The following ACSS1 variants were observed in gnomAD, a reference collection of about 807,000 sequenced individuals.
ACSS1 encodes acetyl-coenzyme A synthetase 2-like, mitochondrial.
A neutral mutation model predicts 75.3 loss-of-function variants in ACSS1; 42 were observed. The observed-to-expected ratio is 0.56, with a 90% CI of 0.44 to 0.72. ACSS1 has a LOEUF of 0.72. Ranked by LOEUF, ACSS1 falls within the 30% of genes least tolerant of loss-of-function variation. The pLI is 0.00. For missense variants in ACSS1, 782 were observed against 935.7 expected (o/e 0.84, Z 2.14); for synonymous variants, 380 against 376.8 (o/e 1.01, Z -0.10).
intron 1 of ACSS1, among the ~76,000 whole-genome samples, chr20:25,049,714 C>A (rs2089150340): frequency 6.6e-6 from 1 of 152,102 alleles, no homozygotes; most frequent in African/African-American, 2.4e-5. Flanking sequence ...CCCGCACCAC[C>A]AGCATCTCCC....
chr20:25,009,683 C>G (rs938653232), intron 12 of ACSS1: 1 of 406,754 alleles, frequency 2.5e-6, no homozygotes, highest in Non-Finnish European at 4.5e-6. Flanking sequence ...GGACATGGGA[C>G]CTCCCCTCTC....
chr20:25,041,793 G>A (rs1568846108), intron 2 of ACSS1, among the ~76,000 whole-genome samples: 1 of 152,110 alleles, frequency 6.6e-6, no homozygotes. Context: ...ACCGTGGGTG[G>A]AATAAATACA....
In ACSS1 at chr20:25,057,690, G is replaced by C. The variant is rs1285141775; in HGVS notation, c.334+79C>G. ...CTGCGATCCGCGCTGCCCGGGGACG[G>C]CTGCCGCTGGCGAGAGGCTCCGAGT... is the stretch of plus-strand genomic sequence containing the variant. On this transcript the variant is annotated intron_variant, in intron 1 of 13. Transcript: ENST00000323482. The C allele has an allele frequency of 6.4e-6, 9 of 1,397,498 alleles. No individual in the cohort carries two copies. The African/African-American group carries it at 1.0e-4, about 16-fold the overall frequency. The allele number at this position is 1,397,498 out of a possible 1,614,324, so 86.6% of individuals were successfully genotyped here. A position where few individuals can be genotyped will look rare whatever the true frequency, so the allele number is the denominator to read the frequency against.
intron 2 of ACSS1, among the ~76,000 whole-genome samples, chr20:25,040,605 C>T (rs979356104): frequency 6.6e-6 from 1 of 152,252 alleles, no homozygotes; most frequent in Non-Finnish European, 1.5e-5. Flanking sequence ...GAAGCCTTGA[C>T]TTATAACATT....
intron 7 of ACSS1, 76 bp from the exon 8 acceptor site, chr20:25,015,306 G>A: frequency 1.5e-6 from 2 of 1,342,442 alleles, no homozygotes; most frequent in Non-Finnish European, 1.0e-6. Flanking sequence ...TTTGTTTTTT[G>A]TTTTTTGTTT....
chr20:25,032,539 G>T (rs1213814597), intron 2 of ACSS1: 1 of 1,252,532 alleles, frequency 8.0e-7, no homozygotes, highest in South Asian at 3.4e-5. Context: ...ACAGAACGAA[G>T]AATGAGGGGA....
In ACSS1 at chr20:25,006,813, CAG is replaced by C; in HGVS notation, c.*947_*948del. ...TCAGTGGTTCTCACCGCCCCAACCA[CAG>C]AGTGAAGGTCAGGCAGCGTTTGCCA... is the stretch of plus-strand genomic sequence containing the variant. On this transcript the variant is annotated 3_prime_UTR_variant, in exon 14 of 14. Coordinates refer to ENST00000323482, the MANE Select transcript of ACSS1 (RefSeq NM_032501.4). 6.5e-7 allele frequency: 1 copy of C among 1,534,816 alleles called. No individual in the cohort carries two copies. The highest frequency in any genetic ancestry group is 8.7e-7 in the Non-Finnish European group (1 of 1,146,210).
rs374805405 is a variant in ACSS1 at position 25,021,252 on chromosome 20, G to C, written c.1108+137C>G. 1.9e-4 allele frequency: 229 copies of C among 1,198,102 alleles called. 1 individual carries two copies. The African/African-American group carries it at 3.1e-3, about 16-fold the overall frequency. The allele number at this position is 1,198,102 out of a possible 1,614,324, so 74.2% of individuals were successfully genotyped here. ...GGGGCCTGGCCCCACCGGGCATTTC[G>C]ACAGCAGGACCTGGAGAGCCACACC... On this transcript the variant is annotated intron_variant, in intron 6 of 13. Transcript: ENST00000323482.
intron 7 of ACSS1, among the ~76,000 whole-genome samples, 153 bp downstream of exon 7, chr20:25,019,852 AGAGGT>A (rs1413389291): frequency 6.6e-6 from 1 of 152,240 alleles, no homozygotes; most frequent in Non-Finnish European, 1.5e-5. Context: ...ACAGGTGGGA[AGAGGT>A]GCTGGTGCTT....
At chr20:25,041,503 C>T (rs896483385) in intron 2 of ACSS1, among the ~76,000 whole-genome samples, 4 of 152,228 alleles carry the variant, frequency 2.6e-5, no homozygotes, top group African/African-American at 4.8e-5. Context: ...CCCAGGCCAC[C>T]GCACGTGGCC....
chr20:25,008,089 C>T (rs944826254), intron 13 of ACSS1, 148 bp from the exon 14 acceptor site: 3 of 1,054,906 alleles, frequency 2.8e-6, no homozygotes, highest in East Asian at 2.6e-5. Context: ...CCCCAGAGAA[C>T]GGTGAGGCCC....
In ACSS1 at chr20:25,057,859, C is replaced by T. The variant is rs1218003761; in HGVS notation, c.244G>A (p.Val82Met). 3.1e-6 allele frequency: 5 copies of T among 1,612,504 alleles called. No homozygotes were observed. The highest frequency in any genetic ancestry group is 1.1e-5 in the South Asian group (1 of 90,970). ...ACGGTGTGGTAGGGGGTGTCCCACA[C>T]GAGAGTGTCCCGCGCCAGAGGCCCC... ...FWGPLARDTLVWDTPYHTVWD... is the reference protein window; with the variant it reads ...FWGPLARDTLMWDTPYHTVWD... Residue 82 changes from valine to methionine, a missense_variant, in exon 1 of 14, where the codon GTG becomes ATG. Physicochemically the swap from Val to Met is conservative, Grantham distance 21. Transcript: ENST00000323482.
At chr20:25,013,072 T>C (rs529882840) in intron 10 of ACSS1, 133 bp from the exon 11 acceptor site, 1 of 1,344,436 alleles carries the variant, frequency 7.4e-7, no homozygotes, top group Non-Finnish European at 1.0e-6. Flanking sequence ...GCAACTCCGA[T>C]GCTTCCCTAT....
intron 1 of ACSS1, among the ~76,000 whole-genome samples, chr20:25,056,242 C>G (rs987791201): frequency 1.1e-4 from 16 of 152,196 alleles, no homozygotes; most frequent in African/African-American, 3.9e-4. Flanking sequence ...CTTGGCCTCA[C>G]AAGTCCAGAG....
chr20:25,022,202 CA>C lies in ACSS1; in HGVS notation c.961-667del, dbSNP rs377107007. 1.4e-3 allele frequency among the ~76,000 whole-genome samples: 209 copies of C among 150,922 alleles called. 1 individual carries two copies. Among genetic ancestry groups the C allele is most frequent in the African/African-American group, 4.8e-3 (197 of 41,178 alleles). On this transcript the variant is annotated intron_variant, in intron 5 of 13. Coordinates refer to ENST00000323482, the MANE Select transcript of ACSS1 (RefSeq NM_032501.4). ...CAAAACCCTGTCTCTACTAAAAATA[CA>C]AAAAAAAATTAGCAGGGTGTGGTGG...
Position 25,057,835 on chromosome 20 carries a change from C to T in ACSS1, c.268G>A (p.Val90Ile). ...CCAGTGCTGAAGTCGCAGTCCCAGA[C>T]GGTGTGGTAGGGGGTGTCCCACACG... The part of the protein sequence containing the change: ...TLVWDTPYHT[V>I]WDCDFSTGKI... The change falls in exon 1 of 14, where the codon GTC (valine) becomes ATC (isoleucine). Residue 90 changes from valine (V) to isoleucine (I), a missense_variant. This residue lies in a region of ACSS1 where 377 missense variants were observed against 383.1 expected (regional missense o/e 0.98). Transcript: ENST00000323482. The T allele has an allele frequency of 1.2e-6, 2 of 1,610,572 alleles. No individual in the cohort carries two copies. Among genetic ancestry groups the T allele is most frequent in the Non-Finnish European group, 1.7e-6 (2 of 1,178,096 alleles).
chr20:25,020,166 T>C lies in ACSS1; in HGVS notation c.1109-19A>G, dbSNP rs990603188. 6.2e-7 allele frequency: 1 copy of C among 1,613,802 alleles called. No homozygotes were observed. Among genetic ancestry groups the C allele is most frequent in the Non-Finnish European group, 8.5e-7 (1 of 1,179,798 alleles). On this transcript the variant is annotated intron_variant, in intron 6 of 13. Transcript: ENST00000323482. Reference sequence around the variant, plus strand: ...TACCGACCTACAGAAAGGCCGAAATTCACTGTCAGCAGGAGAGCTGACATG... The same window carrying C: ...TACCGACCTACAGAAAGGCCGAAATCCACTGTCAGCAGGAGAGCTGACATG...
At chr20:25,014,157 T>A in intron 8 of ACSS1, 84 bp from the exon 9 acceptor site, 1 of 1,194,188 alleles carries the variant, frequency 8.4e-7, no homozygotes, top group Non-Finnish European at 1.2e-6. Context: ...GGTGGGACTG[T>A]CCCTGTTGTG....
intron 3 of ACSS1, among the ~76,000 whole-genome samples, chr20:25,024,947 G>A (rs2088689605): frequency 6.6e-6 from 1 of 152,192 alleles, no homozygotes; most frequent in Admixed American, 6.5e-5. Flanking sequence ...TGGCCTTCAA[G>A]CCTCAGCGAT....
Sources: gnomAD v4.1 joint callset for allele counts (sites outside exome capture counted in the v4.1 genomes callset) on GRCh38, gnomAD v4.1.1 for gene constraint, gnomAD v4.1.1 regional missense constraint, MANE v1.5 for transcripts, NCBI Gene and HGNC (gene_info 2026-07-23, HGNC 2026-07-21) for gene names.